Variants in ADAMTS5 observed in about 807,000 individuals in gnomAD.
ADAMTS5 encodes the protein ADAM metallopeptidase with thrombospondin type 1 motif 5, also known as A disintegrin and metalloproteinase with thrombospondin motifs 5.
ADAMTS5 carries 54 observed loss-of-function variants against 81.4 expected under a neutral mutation model. That is an observed-to-expected ratio of 0.66 (90% CI 0.53 to 0.83). The LOEUF (loss-of-function observed/expected upper bound fraction) is 0.83, where lower values mean the gene tolerates loss of function less well. Among genes scored for constraint, ADAMTS5 ranks in the 40% least tolerant of loss-of-function variants. The pLI is 0.00. For missense variants in ADAMTS5, 1,194 were observed against 1,229.9 expected (o/e 0.97, Z 0.44); for synonymous variants, 532 against 508.8 (o/e 1.05, Z -0.61).
intron 1 of ADAMTS5, among the ~76,000 whole-genome samples, chr21:26,959,698 A>G (rs1369843212): frequency 6.6e-6 from 1 of 152,204 alleles, no homozygotes; most frequent in Non-Finnish European, 1.5e-5. Flanking sequence ...CCAGAAAACA[A>G]GAAAATGGAA....
chr21:26,966,416 T>C lies in ADAMTS5; in HGVS notation c.-25A>G. 1 of 1,418,524 alleles carries C rather than the reference T, an allele frequency of 7.0e-7. No individual in the cohort carries two copies. Among genetic ancestry groups the C allele is most frequent in the Admixed American group, 3.2e-5 (1 of 30,808 alleles). The allele number at this position is 1,418,524 out of a possible 1,614,324, so 87.9% of individuals were successfully genotyped here. A position where few individuals can be genotyped will look rare whatever the true frequency, so the allele number is the denominator to read the frequency against. On this transcript the variant is annotated 5_prime_UTR_variant, in exon 1 of 8. Transcript: ENST00000284987. The stretch of plus-strand genomic sequence containing the variant: ...TAGTGCGCTGCCCGCGGGGAGGGGC[T>C]GCGCGACTGGGACTTTATGGGTATT...
chr21:26,938,098 G>T (rs1045553051), intron 3 of ADAMTS5, among the ~76,000 whole-genome samples: 2 of 152,030 alleles, frequency 1.3e-5, no homozygotes, highest in African/African-American at 4.8e-5. Context: ...AAATTAGCTG[G>T]GTGTGGTGGC....
chr21:26,957,936 G>A (rs1026323508), intron 1 of ADAMTS5, among the ~76,000 whole-genome samples: 17 of 152,162 alleles, frequency 1.1e-4, no homozygotes, highest in African/African-American at 3.9e-4. Context: ...TTTTGAAGCC[G>A]TAATAATACC....
Position 26,966,631 on chromosome 21 carries a change from G to GGA in ADAMTS5, c.-241_-240insTC, listed in dbSNP as rs1987684654. 1 of 62,894 alleles carries GGA rather than the reference G, an allele frequency of 1.6e-5. No individual in the cohort carries two copies. Among genetic ancestry groups the GGA allele is most frequent in the African/African-American group, 7.2e-5 (1 of 13,818 alleles). 3.9% of individuals were successfully genotyped at this position (62,894 alleles called of 1,614,324 possible). A position where few individuals can be genotyped will look rare whatever the true frequency, so the allele number is the denominator to read the frequency against. ...GGATTCGTGCTCCAGAAAGAGGTGG[G>GGA]GTGGGGGGGGGGGGAAAGAAAAGAT... On this transcript the variant is annotated 5_prime_UTR_variant, in exon 1 of 8. Transcript: ENST00000284987.
chr21:26,926,209 A>C (rs2123165692), intron 7 of ADAMTS5, among the ~76,000 whole-genome samples: 1 of 152,334 alleles, frequency 6.6e-6, no homozygotes, highest in African/African-American at 2.4e-5. Flanking sequence ...TCTTGGCTGC[A>C]GTGAGTGCAC....
rs995112235 is a variant in ADAMTS5, at chr21:26,965,927, G to A, written c.465C>T (p.Phe155=). The part of the protein sequence containing the change: ...VFDLCGGLDG[F]FAVKHARYTL... ...TGTAGCGCGCGTGCTTGACCGCGAAGAAGCCGTCGAGACCCCCACAGAGGT... is the reference window on the plus strand; with the variant it reads ...TGTAGCGCGCGTGCTTGACCGCGAAAAAGCCGTCGAGACCCCCACAGAGGT... Residue 155 remains phenylalanine, a synonymous_variant, in exon 1 of 8, where the codon TTC becomes TTT. Transcript: ENST00000284987. 2 of 1,613,746 alleles carry A rather than the reference G, an allele frequency of 1.2e-6. No individual in the cohort carries two copies. Among genetic ancestry groups the A allele is most frequent in the African/African-American group, 1.3e-5 (1 of 74,948 alleles).
rs931193149 is a variant in ADAMTS5, at chr21:26,966,327, G to C, written c.65C>G (p.Pro22Arg). The C allele has an allele frequency of 2.0e-6, 3 of 1,510,186 alleles. No individual in the cohort carries two copies. The highest frequency in any genetic ancestry group is 5.2e-5 in the East Asian group (2 of 38,610). The allele number at this position is 1,510,186 out of a possible 1,614,324, so 93.5% of individuals were successfully genotyped here. Reference protein sequence around the residue: ...AFRLPLAAVGPAATPAQDKAG... With the variant: ...AFRLPLAAVGRAATPAQDKAG... ...TTTATCCTGGGCAGGTGTCGCGGCGGGGCCGACCGCGGCCAGGGGCAGGCG... is the reference window on the plus strand; with the variant it reads ...TTTATCCTGGGCAGGTGTCGCGGCGCGGCCGACCGCGGCCAGGGGCAGGCG... The change falls in exon 1 of 8, where the codon CCC (proline) becomes CGC (arginine). Residue 22 changes from proline (P) to arginine (R), a missense_variant. Physicochemically the swap from Pro to Arg is moderately radical, Grantham distance 103 (BLOSUM62 -2). This residue lies in a region of ADAMTS5 where 498 missense variants were observed against 412.3 expected (regional missense o/e 1.21). Coordinates refer to ENST00000284987, the MANE Select transcript of ADAMTS5 (RefSeq NM_007038.5).
chr21:26,943,832 T>C (rs1049551605), intron 2 of ADAMTS5, among the ~76,000 whole-genome samples: 3 of 152,190 alleles, frequency 2.0e-5, no homozygotes, highest in Non-Finnish European at 4.4e-5. Context: ...AACAAAGCCT[T>C]ATTTAGAATC....
rs561564943 is a variant in ADAMTS5 at position 26,920,899 on chromosome 21, A to G, written c.*3154T>C. ...AGTATCAGAATAAGAATACATGAGG[A>G]ATATATACATATACACCTGCTTCAC... is the stretch of plus-strand genomic sequence containing the variant. On this transcript the variant is annotated 3_prime_UTR_variant, in exon 8 of 8. Coordinates refer to ENST00000284987, the MANE Select transcript of ADAMTS5 (RefSeq NM_007038.5). The G allele has an allele frequency of 9.8e-5, 15 of 152,570 alleles. No homozygotes were observed. In the South Asian group the frequency reaches 3.1e-3, roughly 32 times the overall value. The allele number at this position is 152,570 out of a possible 1,614,324, so 9.5% of individuals were successfully genotyped here.
intron 2 of ADAMTS5, among the ~76,000 whole-genome samples, chr21:26,947,332 A>G (rs1012387592): frequency 6.6e-6 from 1 of 152,210 alleles, no homozygotes; most frequent in South Asian, 2.1e-4. Flanking sequence ...GGGAGATAGA[A>G]GCCAGAGTGA....
chr21:26,934,334 C>T (rs1191942968), intron 4 of ADAMTS5, 132 bp downstream of exon 4: 1 of 1,221,102 alleles, frequency 8.2e-7, no homozygotes, highest in Non-Finnish European at 1.1e-6. Flanking sequence ...AGAAGAAGCT[C>T]TAAATAAACC....
intron 1 of ADAMTS5, 108 bp from the exon 2 acceptor site, chr21:26,954,979 A>G: frequency 7.4e-7 from 1 of 1,355,548 alleles, no homozygotes; most frequent in Admixed American, 2.3e-5. Flanking sequence ...TGTTTATGGT[A>G]TCACCTGTTC....
chr21:26,934,768 T>C lies in ADAMTS5; in HGVS notation c.1406-19A>G, dbSNP rs760531829. ...CAGTTACCTACAAGAATAACTGAGA[T>C]TGACCACGGCTCTGTGTTTAGGTTT... On this transcript the variant is annotated intron_variant, in intron 3 of 7. Coordinates refer to ENST00000284987, the MANE Select transcript of ADAMTS5 (RefSeq NM_007038.5). 5.0e-6 allele frequency: 8 copies of C among 1,611,042 alleles called. No homozygotes were observed. Among genetic ancestry groups the C allele is most frequent in the South Asian group, 4.4e-5 (4 of 91,000 alleles).
intron 2 of ADAMTS5, among the ~76,000 whole-genome samples, chr21:26,947,624 A>G (rs1299636423): frequency 5.9e-5 from 9 of 151,990 alleles, no homozygotes; most frequent in Admixed American, 5.9e-4. Flanking sequence ...CAGTAGAGAC[A>G]GGGTTTCACC....
At chr21:26,956,857 A>G (rs1333815099) in intron 1 of ADAMTS5, among the ~76,000 whole-genome samples, 1 of 152,212 alleles carries the variant, frequency 6.6e-6, no homozygotes, top group East Asian at 1.9e-4. Flanking sequence ...CTGCTAATCA[A>G]TTGCTCATTA....
At chr21:26,928,257 A>G (rs1986839839) in intron 7 of ADAMTS5, among the ~76,000 whole-genome samples, 1 of 152,202 alleles carries the variant, frequency 6.6e-6, no homozygotes, top group Admixed American at 6.5e-5. Flanking sequence ...GTATGAGATC[A>G]ATGTTCTTTT....
chr21:26,930,201 A>T (rs1601000735), intron 6 of ADAMTS5, 140 bp from the exon 7 acceptor site: 2 of 815,210 alleles, frequency 2.5e-6, no homozygotes, highest in East Asian at 5.4e-5. Context: ...AAGCCAAAAA[A>T]ACATAGTTTC....
In ADAMTS5 at chr21:26,965,757, G is replaced by C; in HGVS notation, c.635C>G (p.Pro212Arg). Residue 212 changes from proline to arginine, a missense_variant, in exon 1 of 8, where the codon CCC (proline) becomes CGC (arginine). Pro to Arg is a moderately radical substitution (Grantham distance 103). Around this residue, in one of 2 missense-constraint regions of ADAMTS5, gnomAD observed 498 missense variants for 412.3 expected, o/e 1.21. Transcript: ENST00000284987. ...CTCGTGGGCCTCCGGTGTGGACGCG[G>C]GGGTTTCGCAGCTGGCGCGCGGCGG... ...ALPPRASCET[P>R]ASTPEAHEHA... is the part of the protein sequence containing the mutation. 2 of 1,599,564 alleles carry C rather than the reference G, an allele frequency of 1.3e-6. No homozygotes were observed. The highest frequency in any genetic ancestry group is 1.3e-5 in the African/African-American group (1 of 74,732).
chr21:26,928,532 A>G (rs1211087861), intron 7 of ADAMTS5, among the ~76,000 whole-genome samples: 4 of 152,208 alleles, frequency 2.6e-5, no homozygotes, highest in Non-Finnish European at 4.4e-5. Context: ...TGTACCATAA[A>G]GTGTATAAGG....
Sources: gnomAD v4.1 joint callset for allele counts (sites outside exome capture counted in the v4.1 genomes callset) on GRCh38, gnomAD v4.1.1 for gene constraint, gnomAD v4.1.1 regional missense constraint, MANE v1.5 for transcripts, NCBI Gene and HGNC (gene_info 2026-07-23, HGNC 2026-07-21) for gene names.